Variants in GRM7 observed in about 807,000 individuals in gnomAD.
GRM7 encodes glutamate metabotropic receptor 7, also known as metabotropic glutamate receptor 7.
Under a neutral mutation model 84.5 loss-of-function variants are expected in GRM7, and 35 were observed. That is an observed-to-expected ratio of 0.41 (90% CI 0.32 to 0.55). The LOEUF (loss-of-function observed/expected upper bound fraction) is 0.55, where lower values mean the gene tolerates loss of function less well. GRM7 is among the 20% of genes least tolerant of loss of function. The probability of loss-of-function intolerance (pLI) is 0.19; values close to 1 mark genes in which losing one functional copy is unlikely to be tolerated. For missense variants in GRM7, 1,003 were observed against 1,194.6 expected (o/e 0.84, Z 2.36); for synonymous variants, 487 against 455.1 (o/e 1.07, Z -0.89).
At chr3:7,396,052 A>T (rs1193199581) in intron 4 of GRM7, among the ~76,000 whole-genome samples, 2 of 152,116 alleles carry the variant, frequency 1.3e-5, no homozygotes, top group South Asian at 2.1e-4. Context: ...CAATTTTTTT[A>T]AATTGAAAAA....
At chr3:6,948,922 A>C (rs929050224) in intron 1 of GRM7, among the ~76,000 whole-genome samples, 3 of 151,960 alleles carry the variant, frequency 2.0e-5, no homozygotes, top group African/African-American at 7.3e-5. Context: ...ATCTTCCTCC[A>C]TCCTTTTGTT....
chr3:7,303,129 A>T (rs1575141906), intron 3 of GRM7, among the ~76,000 whole-genome samples: 1 of 151,694 alleles, frequency 6.6e-6, no homozygotes. Context: ...TTTAGTAGAG[A>T]CGGGCTTTCA....
intron 5 of GRM7, among the ~76,000 whole-genome samples, chr3:7,428,653 A>G (rs149927847): frequency 4.6e-5 from 7 of 152,294 alleles, no homozygotes; most frequent in Middle Eastern, 3.4e-3. Flanking sequence ...ACAGTCAGAC[A>G]TAAGGTGTCC....
intron 9 of GRM7, among the ~76,000 whole-genome samples, chr3:7,720,101 C>A (rs1701894036): frequency 6.6e-6 from 1 of 152,124 alleles, no homozygotes; most frequent in South Asian, 2.1e-4. Context: ...TCACTATTAT[C>A]ATTTTCCTCA....
At chr3:7,661,658 G>A (rs144215233) in intron 8 of GRM7, among the ~76,000 whole-genome samples, 7,368 of 151,394 alleles carry the variant, frequency 0.049, 209 homozygotes, top group Non-Finnish European at 0.065. Context: ...GCCGGGCGTC[G>A]TGGCGGGCGC....
chr3:7,175,548 T>A (rs528106569), intron 2 of GRM7, among the ~76,000 whole-genome samples: 9 of 152,320 alleles, frequency 5.9e-5, no homozygotes, highest in Admixed American at 5.9e-4. Context: ...TTTTGTTTTG[T>A]CTTTTTTGAG....
At chr3:7,197,751 G>C (rs868327948) in intron 2 of GRM7, among the ~76,000 whole-genome samples, 1 of 151,592 alleles carries the variant, frequency 6.6e-6, no homozygotes. Flanking sequence ...TCTGGTGTTA[G>C]AGAATATCTT....
At chr3:7,319,335 A>G (rs1180553869) in intron 4 of GRM7, among the ~76,000 whole-genome samples, 1 of 152,016 alleles carries the variant, frequency 6.6e-6, no homozygotes, top group Non-Finnish European at 1.5e-5. Context: ...TTTAAGGGGG[A>G]CAGAATTTAC....
rs1191039401 is a variant in GRM7, at chr3:7,360,135, C to CTGTGTGTG, written c.1033+53484_1033+53485insGTGTGTGT. On this transcript the variant is annotated intron_variant, in intron 4 of 9. Coordinates refer to ENST00000357716, the MANE Select transcript of GRM7 (RefSeq NM_000844.4). Reference sequence around the variant, plus strand: ...CTCTTTCTCCCCCCCTTTTTTTTCCCTCTGTGTGTGTGTGTGTGTGTGTGT... The same window carrying CTGTGTGTG: ...CTCTTTCTCCCCCCCTTTTTTTTCCCTGTGTGTGTCTGTGTGTGTGTGTGTGTGTGTGT... 9.7e-4 allele frequency among the ~76,000 whole-genome samples: 100 copies of CTGTGTGTG among 103,010 alleles called. 7 individuals are homozygous for CTGTGTGTG. Among genetic ancestry groups the CTGTGTGTG allele is most frequent in the African/African-American group, 4.2e-3 (95 of 22,442 alleles). The allele number at this position is 103,010 out of a possible 152,430, so 67.6% of individuals were successfully genotyped here.
At chr3:7,479,748 G>A (rs541736794) in intron 7 of GRM7, among the ~76,000 whole-genome samples, 1 of 151,984 alleles carries the variant, frequency 6.6e-6, no homozygotes, top group Non-Finnish European at 1.5e-5. Context: ...TATGCTATTG[G>A]TCAAGGTTTA....
At chr3:6,996,385 C>A (rs1283191364) in intron 1 of GRM7, among the ~76,000 whole-genome samples, 1 of 152,074 alleles carries the variant, frequency 6.6e-6, no homozygotes, top group Non-Finnish European at 1.5e-5. Flanking sequence ...TTTCAAAAAC[C>A]AAAGTGAAGG....
At chr3:7,495,454 C>T (rs1484382338) in intron 7 of GRM7, among the ~76,000 whole-genome samples, 2 of 152,114 alleles carry the variant, frequency 1.3e-5, no homozygotes, top group Non-Finnish European at 2.9e-5. Flanking sequence ...ACTCACCCTT[C>T]TTAGTGTCCC....
chr3:7,076,431 T>C (rs1698081010), intron 1 of GRM7, among the ~76,000 whole-genome samples: 1 of 152,142 alleles, frequency 6.6e-6, no homozygotes, highest in Non-Finnish European at 1.5e-5. Context: ...GAAGATTTAA[T>C]GTGTTTATAA....
chr3:7,304,729 AAG>A lies in GRM7; in HGVS notation c.879-1766_879-1765del, dbSNP rs539169985. On this transcript the variant is annotated intron_variant, in intron 3 of 9. Transcript: ENST00000357716. ...TTAATTTTCATTTCATATTTTCAAAAAGAGCTGTTTCTTGTTATTTTTTCGTA... is the reference window on the plus strand; with the variant it reads ...TTAATTTTCATTTCATATTTTCAAAAAGCTGTTTCTTGTTATTTTTTCGTA... Among the ~76,000 whole-genome samples, 41 of 152,224 alleles carry A rather than the reference AAG, an allele frequency of 2.7e-4. No individual in the cohort carries two copies. In the Middle Eastern group the frequency reaches 0.01, roughly 38 times the overall value.
chr3:7,498,363 G>A (rs1468122020), intron 7 of GRM7, among the ~76,000 whole-genome samples: 3 of 152,174 alleles, frequency 2.0e-5, no homozygotes, highest in Non-Finnish European at 2.9e-5. Flanking sequence ...GTTGGGCAAT[G>A]TTTTAAAAGC....
At chr3:7,109,785 C>T (rs553541421) in intron 1 of GRM7, among the ~76,000 whole-genome samples, 12 of 152,114 alleles carry the variant, frequency 7.9e-5, no homozygotes, top group Middle Eastern at 3.4e-3. Context: ...CAGGTAATAC[C>T]AATTTAGAGA....
At chr3:6,949,415 T>C (rs538949943) in intron 1 of GRM7, among the ~76,000 whole-genome samples, 3 of 152,344 alleles carry the variant, frequency 2.0e-5, no homozygotes, top group Non-Finnish European at 4.4e-5. Context: ...GAGTTTCTGC[T>C]GAGAGATCTG....
rs1280355099 is a variant in GRM7, at chr3:7,188,070, G to C, written c.736+41402G>C. Among the ~76,000 whole-genome samples the C allele has an allele frequency of 2.0e-5, 3 of 152,118 alleles. No individual in the cohort carries two copies. Among genetic ancestry groups the C allele is most frequent in the African/African-American group, 4.8e-5 (2 of 41,418 alleles). On this transcript the variant is annotated intron_variant, in intron 2 of 9. Transcript: ENST00000357716. This position sits in a 1 kb window ranked among gnomAD's most constrained non-coding sequence, Gnocchi z 4.2. ...CGAGTTCCCTGGTGAGTTTAATAGA[G>C]GAGGAATGATGTGGGGTGGGTATTG...
chr3:7,476,645 C>T (rs1698933437), intron 7 of GRM7, among the ~76,000 whole-genome samples: 1 of 152,158 alleles, frequency 6.6e-6, no homozygotes, highest in South Asian at 2.1e-4. Flanking sequence ...GCTACTTTTT[C>T]TGAAACACAA....
Sources: allele counts gnomAD v4.1 joint callset (sites outside exome capture counted in the v4.1 genomes callset), GRCh38; gene constraint gnomAD v4.1.1; non-coding constraint Gnocchi (gnomAD v3.1); transcripts MANE v1.5; gene names NCBI Gene and HGNC (gene_info 2026-07-23, HGNC 2026-07-21).